The following USP3 variants were observed in gnomAD, a reference collection of about 807,000 sequenced individuals.
The protein encoded by USP3 is ubiquitin specific peptidase 3.
Under a neutral mutation model 72.3 loss-of-function variants are expected in USP3, and 20 were observed. The ratio of observed to expected loss-of-function variants is 0.28; its 90% CI spans 0.19 to 0.40. The LOEUF is 0.40. Ranked by LOEUF, USP3 falls within the 10% of genes least tolerant of loss-of-function variation. The pLI is 1.00. For synonymous variants in USP3, 222 were observed against 225.3 expected (o/e 0.99, Z 0.13); for missense variants, 479 against 633.9 (o/e 0.76, Z 2.62).
At chr15:63,584,669 T>C (rs1183708003) in intron 11 of USP3, among the ~76,000 whole-genome samples, 1 of 152,208 alleles carries the variant, frequency 6.6e-6, no homozygotes, top group Non-Finnish European at 1.5e-5. Flanking sequence ...ATTGTGGCCA[T>C]TAATCCCTTA....
chr15:63,547,888 G>GAGAGAGAGGCAT (rs547706060), intron 3 of USP3, among the ~76,000 whole-genome samples: 14,683 of 73,154 alleles, frequency 0.2, 3,414 homozygotes, highest in Middle Eastern at 0.28. Flanking sequence ...GAGAGAGAGA[G>GAGAGAGAGGCAT]AGAGAGAGGC....
chr15:63,524,142 G>C (rs969491646), intron 1 of USP3, among the ~76,000 whole-genome samples: 3 of 152,222 alleles, frequency 2.0e-5, no homozygotes, highest in Admixed American at 6.5e-5. Flanking sequence ...ATCTAGATTT[G>C]AGTTATTAAA....
chr15:63,535,881 T>C (rs1189034524), intron 2 of USP3, among the ~76,000 whole-genome samples: 1 of 152,236 alleles, frequency 6.6e-6, no homozygotes, highest in Non-Finnish European at 1.5e-5. Flanking sequence ...TTTGGTACCA[T>C]TTAACCAACA....
chr15:63,571,284 C>G (rs1338092872), intron 9 of USP3, among the ~76,000 whole-genome samples: 2 of 152,180 alleles, frequency 1.3e-5, no homozygotes, highest in Non-Finnish European at 2.9e-5. Context: ...AGAAGACAAA[C>G]TCCCCCCAAA....
At chr15:63,521,570 A>G (rs1484264065) in intron 1 of USP3, among the ~76,000 whole-genome samples, 2 of 152,188 alleles carry the variant, frequency 1.3e-5, no homozygotes, top group African/African-American at 4.8e-5. Flanking sequence ...GAGAGCTGGA[A>G]GTAGCCTTGG....
chr15:63,563,731 T>C (rs556335268), intron 8 of USP3, among the ~76,000 whole-genome samples: 7 of 152,344 alleles, frequency 4.6e-5, no homozygotes, highest in Non-Finnish European at 5.9e-5. Flanking sequence ...TTACTAGTTA[T>C]GATTTTGGCA....
Position 63,591,396 on chromosome 15 carries a change from G to A in USP3, c.*570G>A, listed in dbSNP as rs2067196731. On this transcript the variant is annotated 3_prime_UTR_variant, in exon 15 of 15. Transcript: ENST00000380324. ...CAGGTAATTACTGCTTGTCTCTCAAGGCTGCTGTCTTTATCAGCACTAACT... is the reference window on the plus strand; with the variant it reads ...CAGGTAATTACTGCTTGTCTCTCAAAGCTGCTGTCTTTATCAGCACTAACT... 1 of 152,220 alleles carries A rather than the reference G, an allele frequency of 6.6e-6. No individual in the cohort carries two copies. Among genetic ancestry groups the A allele is most frequent in the Non-Finnish European group, 1.5e-5 (1 of 68,066 alleles). The allele number at this position is 152,220 out of a possible 1,614,324, so 9.4% of individuals were successfully genotyped here.
chr15:63,556,924 T>C, intron 5 of USP3, 176 bp downstream of exon 5: 1 of 527,412 alleles, frequency 1.9e-6, no homozygotes. Context: ...GTGACCCCAG[T>C]GAGTCCATCT....
At chr15:63,539,936 A>C (rs2066219018) in intron 3 of USP3, among the ~76,000 whole-genome samples, 1 of 152,236 alleles carries the variant, frequency 6.6e-6, no homozygotes, top group African/African-American at 2.4e-5. Flanking sequence ...ATGAAGAAAC[A>C]GATTTCCTAT....
At chr15:63,543,928 GGC>G (rs916898297) in intron 3 of USP3, among the ~76,000 whole-genome samples, 2 of 151,544 alleles carry the variant, frequency 1.3e-5, no homozygotes, top group Non-Finnish European at 2.9e-5. Context: ...GAGAAATTAT[GGC>G]CAGGCATGGT....
chr15:63,550,176 C>G (rs574950987), intron 3 of USP3, among the ~76,000 whole-genome samples: 39 of 152,290 alleles, frequency 2.6e-4, no homozygotes, highest in Non-Finnish European at 4.4e-4. Flanking sequence ...TGTGCCACCA[C>G]GCCAAGCTAA....
intron 1 of USP3, among the ~76,000 whole-genome samples, chr15:63,523,537 C>G (rs1046757497): frequency 5.3e-5 from 8 of 152,192 alleles, no homozygotes; most frequent in African/African-American, 1.9e-4. Flanking sequence ...GGAAGGAATT[C>G]TTCTCGAAGG....
Position 63,553,737 on chromosome 15 carries a change from G to A in USP3, c.307G>A (p.Val103Ile), listed in dbSNP as rs770858370. ...CAGTTATCGCTGTGATGATTTTGTG[G>A]TTAATGACACCAAGCTGGGACTGGT... The part of the protein sequence containing the change: ...TYCYRCDDFV[V>I]NDTKLGLVQK... The change falls in exon 4 of 15, where the codon GTT becomes ATT. Residue 103 changes from valine to isoleucine, a missense_variant. Val to Ile is a conservative substitution (Grantham distance 29). Coordinates refer to ENST00000380324, the MANE Select transcript of USP3 (RefSeq NM_006537.4). The surrounding 1 kb of genome is among the most constrained non-coding windows in gnomAD (Gnocchi z 4.2). 1 of 1,612,900 alleles carries A rather than the reference G, an allele frequency of 6.2e-7. No homozygotes were observed. Among genetic ancestry groups the A allele is most frequent in the South Asian group, 1.1e-5 (1 of 90,962 alleles).
At chr15:63,578,371 G>A (rs1025904455) in intron 11 of USP3, among the ~76,000 whole-genome samples, 1 of 151,972 alleles carries the variant, frequency 6.6e-6, no homozygotes, top group Non-Finnish European at 1.5e-5. Flanking sequence ...TTGGGAGGCC[G>A]AGGCGGGTGG....
chr15:63,537,247 A>C, intron 3 of USP3, 91 bp downstream of exon 3: 18 of 1,395,578 alleles, frequency 1.3e-5, no homozygotes, highest in Non-Finnish European at 1.6e-5. Flanking sequence ...GCCAGTTACT[A>C]CTGCTGTTAC....
intron 6 of USP3, 48 bp from the exon 7 acceptor site, chr15:63,559,809 G>C: frequency 6.6e-7 from 1 of 1,510,722 alleles, no homozygotes; most frequent in Non-Finnish European, 9.0e-7. Flanking sequence ...TTTCTTTACA[G>C]TCCTATTCTT....
intron 1 of USP3, among the ~76,000 whole-genome samples, chr15:63,512,299 T>C (rs1374210714): frequency 1.3e-4 from 19 of 147,958 alleles, no homozygotes; most frequent in African/African-American, 4.9e-4. Context: ...CCTCTTCTTC[T>C]TCCTCCTCTT....
chr15:63,575,292 C>T (rs1404146244), intron 11 of USP3, among the ~76,000 whole-genome samples: 1 of 151,642 alleles, frequency 6.6e-6, no homozygotes, highest in African/African-American at 2.4e-5. Flanking sequence ...CACATGTGCT[C>T]AGGAACCACA....
chr15:63,522,029 C>G (rs958053890), intron 1 of USP3, among the ~76,000 whole-genome samples: 1 of 152,164 alleles, frequency 6.6e-6, no homozygotes, highest in Admixed American at 6.5e-5. Flanking sequence ...GCAGCCCTTA[C>G]CTTCCACGCT....
Sources: gnomAD v4.1 joint callset for allele counts (sites outside exome capture counted in the v4.1 genomes callset) on GRCh38, gnomAD v4.1.1 for gene constraint, Gnocchi (gnomAD v3.1) non-coding constraint, MANE v1.5 for transcripts, NCBI Gene and HGNC (gene_info 2026-07-23, HGNC 2026-07-21) for gene names.